The following ARFGEF1 variants were observed in gnomAD, a reference collection of about 807,000 sequenced individuals.
The protein encoded by ARFGEF1 is brefeldin A-inhibited guanine nucleotide-exchange protein 1.
ARFGEF1 carries 42 observed loss-of-function variants against 231.0 expected under a neutral mutation model. The observed-to-expected ratio is 0.18, with a 90% CI of 0.14 to 0.24. The LOEUF is 0.24. ARFGEF1 is among the 10% of genes least tolerant of loss of function. ARFGEF1 has a pLI of 1.00. For synonymous variants in ARFGEF1, 710 were observed against 732.3 expected (o/e 0.97, Z 0.49); for missense variants, 1,345 against 2,192.0 (o/e 0.61, Z 7.72).
intron 14 of ARFGEF1, among the ~76,000 whole-genome samples, chr8:67,262,584 C>T (rs1055744473): frequency 1.3e-5 from 2 of 152,162 alleles, no homozygotes; most frequent in Non-Finnish European, 2.9e-5. Flanking sequence ...GCATTACATG[C>T]TACAGAGAAA....
intron 5 of ARFGEF1, among the ~76,000 whole-genome samples, chr8:67,191,802 T>C (rs868125343): frequency 1.8e-4 from 28 of 152,228 alleles, no homozygotes; most frequent in African/African-American, 6.0e-4. Context: ...ATGGACACTT[T>C]GTATTTAGCA....
intron 10 of ARFGEF1, among the ~76,000 whole-genome samples, chr8:67,271,250 T>C (rs1159028152): frequency 6.6e-6 from 1 of 152,028 alleles, no homozygotes; most frequent in African/African-American, 2.4e-5. Flanking sequence ...TTTTTTCAAA[T>C]ATCCAAAATA....
chr8:67,248,314 A>C (rs1044276194), intron 19 of ARFGEF1, among the ~76,000 whole-genome samples: 4 of 150,450 alleles, frequency 2.7e-5, no homozygotes, highest in African/African-American at 9.9e-5. Context: ...GGAACAGAAT[A>C]GAGAACCCAA....
intron 3 of ARFGEF1, among the ~76,000 whole-genome samples, chr8:67,299,976 CA>C (rs374924257): frequency 0.023 from 3,358 of 148,010 alleles, 79 homozygotes; most frequent in South Asian, 0.048. Flanking sequence ...CAAAAAAAAA[CA>C]AAAAAAAAAT....
chr8:67,310,615 C>T (rs1456425272), intron 1 of ARFGEF1, among the ~76,000 whole-genome samples: 1 of 150,004 alleles, frequency 6.7e-6, no homozygotes, highest in Non-Finnish European at 1.5e-5. Context: ...AAGTGAGGAG[C>T]GCCTCTTCCC....
At chr8:67,277,150 T>C in intron 8 of ARFGEF1, 132 bp downstream of exon 8, 1 of 923,812 alleles carries the variant, frequency 1.1e-6, no homozygotes. Context: ...AAACCCCAAG[T>C]TTCTTATTTC....
chr8:67,341,425 CAAAAAAAAA>C (rs1186065653), intron 1 of ARFGEF1, among the ~76,000 whole-genome samples: 2 of 87,910 alleles, frequency 2.3e-5, no homozygotes, highest in African/African-American at 8.8e-5. Flanking sequence ...CCATCTCCAC[CAAAAAAAAA>C]AAAAAAAAAA....
chr8:67,238,897 T>TA lies in ARFGEF1; in HGVS notation c.2980-5dup. The TA allele has an allele frequency of 1.2e-6, 2 of 1,611,478 alleles. No individual in the cohort carries two copies. The highest frequency in any genetic ancestry group is 1.7e-6 in the Non-Finnish European group (2 of 1,178,312). On this transcript the variant is annotated splice_region_variant and splice_polypyrimidine_tract_variant and intron_variant, in intron 20 of 38. Coordinates refer to ENST00000262215, the MANE Select transcript of ARFGEF1 (RefSeq NM_006421.5). ...GGACATATGCATCTCTCTCCAGCTA[T>TA]AAAAAAGAGAAAAGTATGTTTACAC...
chr8:67,227,022 A>G, intron 27 of ARFGEF1, 115 bp downstream of exon 27: 1 of 941,736 alleles, frequency 1.1e-6, no homozygotes, highest in Non-Finnish European at 1.5e-6. Context: ...TTCTGTAGAC[A>G]AAGCTTGGTA....
At chr8:67,273,419 C>CCA (rs1805182303) in intron 9 of ARFGEF1, among the ~76,000 whole-genome samples, 2 of 56,608 alleles carry the variant, frequency 3.5e-5, no homozygotes, top group Admixed American at 4.6e-4. Flanking sequence ...TTTTTTTTCC[C>CCA]AAAAAAAAAA....
At chr8:67,236,317 C>CA (rs1170379472) in intron 22 of ARFGEF1, among the ~76,000 whole-genome samples, 791 of 11,986 alleles carry the variant, frequency 0.066, 60 homozygotes, top group African/African-American at 0.091. Flanking sequence ...GACTGTGACT[C>CA]AAAAAAAAAA....
At chr8:67,210,016 A>G (rs1256308723) in intron 34 of ARFGEF1, among the ~76,000 whole-genome samples, 3 of 151,812 alleles carry the variant, frequency 2.0e-5, no homozygotes, top group Non-Finnish European at 2.9e-5. Context: ...TTAATTGGGT[A>G]TGGTGGCAGG....
chr8:67,291,261 A>G (rs1805995849), intron 6 of ARFGEF1, among the ~76,000 whole-genome samples: 1 of 152,150 alleles, frequency 6.6e-6, no homozygotes, highest in East Asian at 1.9e-4. Context: ...TAAAATAAAT[A>G]TAATTTTTAT....
intron 6 of ARFGEF1, among the ~76,000 whole-genome samples, chr8:67,290,958 GT>G (rs111226129): frequency 3.6e-4 from 54 of 150,406 alleles, no homozygotes; most frequent in Non-Finnish European, 3.0e-4. Context: ...AAAAGGCATG[GT>G]TTTAAAAAAA....
chr8:67,262,078 T>A (rs963372349), intron 14 of ARFGEF1, among the ~76,000 whole-genome samples: 2 of 152,140 alleles, frequency 1.3e-5, no homozygotes, highest in African/African-American at 4.8e-5. Flanking sequence ...ATAGTTGCCA[T>A]GTAGAGAGAT....
intron 1 of ARFGEF1, among the ~76,000 whole-genome samples, chr8:67,315,488 T>C (rs1032686765): frequency 2.3e-4 from 35 of 152,190 alleles, no homozygotes; most frequent in African/African-American, 8.2e-4. Context: ...ACAGTCCATA[T>C]TTTGGGCCAT....
At chr8:67,205,655 A>T (rs1563835039) in intron 34 of ARFGEF1, among the ~76,000 whole-genome samples, 1 of 151,820 alleles carries the variant, frequency 6.6e-6, no homozygotes, top group Non-Finnish European at 1.5e-5. Context: ...TCAGGAGTTC[A>T]AGACCAGCCT....
Position 67,216,636 on chromosome 8 carries a change from C to T in ARFGEF1, c.4640G>A (p.Gly1547Glu). The T allele has an allele frequency of 6.2e-7, 1 of 1,609,188 alleles. No homozygotes were observed. The highest frequency in any genetic ancestry group is 8.5e-7 in the Non-Finnish European group (1 of 1,178,670). The change falls in exon 33 of 39, where the codon GGA becomes GAA. Residue 1547 changes from glycine (G) to glutamate (E), a missense_variant. Around this residue, in one of 14 missense-constraint regions of ARFGEF1, gnomAD observed 89 missense variants for 74.8 expected, o/e 1.19. Coordinates refer to ENST00000262215, the MANE Select transcript of ARFGEF1 (RefSeq NM_006421.5). ...AGATGGAGGTGGGGGGGCAGTTTCTCCAGAATTGGGTCGCCAGGTCAACAG... is the reference window on the plus strand; with the variant it reads ...AGATGGAGGTGGGGGGGCAGTTTCTTCAGAATTGGGTCGCCAGGTCAACAG... The part of the protein sequence containing the change: ...HALLTWRPNS[G>E]ETAPPPPSPV...
chr8:67,273,472 A>T (rs565609558), intron 9 of ARFGEF1, among the ~76,000 whole-genome samples: 13 of 148,456 alleles, frequency 8.8e-5, no homozygotes, highest in African/African-American at 2.8e-4. Flanking sequence ...TTTCAGTCAC[A>T]TTTACACTAT....
Sources: allele counts gnomAD v4.1 joint callset (sites outside exome capture counted in the v4.1 genomes callset), GRCh38; gene constraint gnomAD v4.1.1; regional missense constraint gnomAD v4.1.1; transcripts MANE v1.5; gene names NCBI Gene and HGNC (gene_info 2026-07-23, HGNC 2026-07-21).